SLC9A7: variants seen among roughly 807,000 people sequenced by gnomAD.
SLC9A7 encodes sodium/hydrogen exchanger 7.
A neutral mutation model predicts 52.6 loss-of-function variants in SLC9A7; 19 were observed. The ratio of observed to expected loss-of-function variants is 0.36; its 90% confidence interval spans 0.25 to 0.53. SLC9A7 has a LOEUF of 0.53. SLC9A7 is among the 20% of genes least tolerant of loss of function. SLC9A7 has a pLI of 0.91. For synonymous variants in SLC9A7, 226 were observed against 252.1 expected, an observed-to-expected ratio of 0.90 and a Z score of 0.98; for missense variants, 455 against 597.9, an observed-to-expected ratio of 0.76 and a Z score of 2.49.
chrX:46,725,565 T>G (rs1039612793), intron 1 of SLC9A7: 8 of 975,917 alleles, frequency 8.2e-6, no homozygotes, highest in Non-Finnish European at 8.8e-6. Flanking sequence ...GTTGAATGAC[T>G]ATTGGGCAAG....
intron 12 of SLC9A7, 30 bp from the exon 13 acceptor site, chrX:46,635,678 T>C (rs1419354597): frequency 8.8e-7 from 1 of 1,141,457 alleles, no homozygotes; most frequent in Non-Finnish European, 1.2e-6. Flanking sequence ...AACGTGAGTG[T>C]GACAGGGACA....
At chrX:46,712,788 C>T (rs1944709988) in intron 1 of SLC9A7, among the ~76,000 whole-genome samples, 1 of 111,901 alleles carries the variant, frequency 8.9e-6, no homozygotes, top group African/African-American at 3.3e-5. Flanking sequence ...CTTTTAAATT[C>T]ACTACATTTA....
intron 14 of SLC9A7, 69 bp from the exon 15 acceptor site, chrX:46,621,128 C>A: frequency 1.4e-6 from 1 of 694,734 alleles, no homozygotes; most frequent in East Asian, 3.5e-5. Flanking sequence ...GAAAAAAAAC[C>A]TTTTTTAATA....
intron 3 of SLC9A7, among the ~76,000 whole-genome samples, chrX:46,678,673 T>C (rs941383753): frequency 1.1e-4 from 12 of 110,278 alleles, no homozygotes; most frequent in African/African-American, 3.6e-4. Context: ...TTTAAATAAC[T>C]AGAAGCTCTG....
intron 3 of SLC9A7, among the ~76,000 whole-genome samples, chrX:46,677,484 C>T (rs143515208): frequency 8.9e-6 from 1 of 112,287 alleles, no homozygotes; most frequent in East Asian, 2.8e-4. Flanking sequence ...ATCTGTTTAT[C>T]GATGAGTTGG....
chrX:46,736,988 C>T (rs1945131762), intron 1 of SLC9A7, among the ~76,000 whole-genome samples: 1 of 111,710 alleles, frequency 9.0e-6, no homozygotes, highest in Non-Finnish European at 1.9e-5. Context: ...TCCTGATCCT[C>T]CTCCAAACAC....
intron 5 of SLC9A7, among the ~76,000 whole-genome samples, chrX:46,668,921 A>T (rs1943968481): frequency 8.9e-6 from 1 of 111,743 alleles, no homozygotes; most frequent in South Asian, 3.7e-4. Flanking sequence ...TAATCCCAGC[A>T]CTTTGGGAGG....
intron 3 of SLC9A7, among the ~76,000 whole-genome samples, chrX:46,676,949 T>G (rs1254343561): frequency 9.0e-6 from 1 of 111,725 alleles, no homozygotes; most frequent in Non-Finnish European, 1.9e-5. Context: ...ATATGCATCA[T>G]TAATCATTCT....
chrX:46,754,585 A>G lies in SLC9A7; in HGVS notation c.325+4120T>C, dbSNP rs1457479059. Among the ~76,000 whole-genome samples, 6 of 111,528 alleles carry G rather than the reference A, an allele frequency of 5.4e-5. No homozygotes were observed. In the Admixed American group the frequency reaches 5.7e-4, roughly 11 times the overall value. ...CCCTTCAGACTCTGCCTATGAGCCC[A>G]CTCTCAGGCTGTGCTTAGCAATCCA... is the stretch of plus-strand genomic sequence containing the variant. On this transcript the variant is annotated intron_variant, in intron 1 of 16. Coordinates refer to ENST00000616978, the MANE Select transcript of SLC9A7 (RefSeq NM_001257291.2).
At chrX:46,729,372 C>T (rs182194108) in intron 1 of SLC9A7, among the ~76,000 whole-genome samples, 154 of 112,223 alleles carry the variant, frequency 1.4e-3, no homozygotes, top group Non-Finnish European at 2.4e-3. Context: ...CATAACATTG[C>T]AAAACAAACT....
intron 1 of SLC9A7, among the ~76,000 whole-genome samples, chrX:46,753,858 T>C (rs181009178): frequency 0.041 from 4,504 of 109,343 alleles, 220 homozygotes; most frequent in African/African-American, 0.14. Flanking sequence ...TGGTGGCGGG[T>C]GCCTGTAGTC....
At position 46,606,709 on chromosome X, in the gene SLC9A7, A is replaced by T; in HGVS notation, c.*243T>A. 9.5e-7 allele frequency: 1 copy of T among 1,057,183 alleles called. No individual in the cohort carries two copies. The highest frequency in any genetic ancestry group is 3.5e-5 in the East Asian group (1 of 28,491). 87.1% of individuals were successfully genotyped at this position (1,057,183 alleles called of 1,213,427 possible). ...ATTTTTTTTTGTTTGTTTAACTCTG[A>T]AACAGCGCACTACTATGTGAAAAAA... On this transcript the variant is annotated 3_prime_UTR_variant, in exon 17 of 17. Transcript: ENST00000616978.
chrX:46,655,705 T>C lies in SLC9A7; in HGVS notation c.1042-1991A>G, dbSNP rs184377761. Among the ~76,000 whole-genome samples the C allele has an allele frequency of 5.8e-3, 655 of 112,707 alleles. 7 individuals are homozygous for C. Among genetic ancestry groups the C allele is most frequent in the African/African-American group, 0.02 (617 of 31,103 alleles). On this transcript the variant is annotated intron_variant, in intron 7 of 16. Coordinates refer to ENST00000616978, the MANE Select transcript of SLC9A7 (RefSeq NM_001257291.2). ...GCACCAGGAGATTATATCCCGCACA[T>C]GGCTTGGAGGGACGTACACCCATGG... is the stretch of plus-strand genomic sequence containing the variant.
Position 46,606,653 on chromosome X carries a change from T to C in SLC9A7, c.*299A>G. On this transcript the variant is annotated 3_prime_UTR_variant, in exon 17 of 17. Transcript: ENST00000616978. The stretch of plus-strand genomic sequence containing the variant: ...CCTCGCCTTGTTCAGATACTGCAGG[T>C]GAATGAATTAGGAGACCATTAAAGC... 1.0e-6 allele frequency: 1 copy of C among 973,555 alleles called. No individual in the cohort carries two copies. The highest frequency in any genetic ancestry group is 1.3e-6 in the Non-Finnish European group (1 of 774,378). The allele number at this position is 973,555 out of a possible 1,213,427, so 80.2% of individuals were successfully genotyped here.
intron 7 of SLC9A7, among the ~76,000 whole-genome samples, chrX:46,658,654 T>C (rs1187036431): frequency 9.0e-6 from 1 of 110,498 alleles, no homozygotes; most frequent in Non-Finnish European, 1.9e-5. Flanking sequence ...ACACATACAC[T>C]CTCCCAGGAC....
In SLC9A7 at chrX:46,606,349, G is replaced by C; in HGVS notation, c.*603C>G. The C allele has an allele frequency of 1.3e-6, 1 of 754,992 alleles. No individual in the cohort carries two copies. Among genetic ancestry groups the C allele is most frequent in the African/African-American group, 2.3e-5 (1 of 43,819 alleles). The allele number at this position is 754,992 out of a possible 1,213,427, so 62.2% of individuals were successfully genotyped here. A position where few individuals can be genotyped will look rare whatever the true frequency, so the allele number is the denominator to read the frequency against. On this transcript the variant is annotated 3_prime_UTR_variant, in exon 17 of 17. Transcript: ENST00000616978. ...TTCGTTCCATGTTGAAATGTTCGTGGATGTATTTTCAAATCTTCAGTCTAG... is the reference window on the plus strand; with the variant it reads ...TTCGTTCCATGTTGAAATGTTCGTGCATGTATTTTCAAATCTTCAGTCTAG...
At chrX:46,737,275 G>A (rs1272708911) in intron 1 of SLC9A7, among the ~76,000 whole-genome samples, 1 of 111,958 alleles carries the variant, frequency 8.9e-6, no homozygotes, top group African/African-American at 3.2e-5. Flanking sequence ...CAGGAATCCT[G>A]GAGGAAAAGC....
intron 1 of SLC9A7, among the ~76,000 whole-genome samples, chrX:46,730,710 A>ATATATATATATATATATAT (rs1569524468): frequency 4.3e-4 from 33 of 76,459 alleles, no homozygotes; most frequent in South Asian, 6.7e-4. Context: ...ATATATATAT[A>ATATATATATATATATATAT]AAATGGATGA....
intron 3 of SLC9A7, among the ~76,000 whole-genome samples, chrX:46,678,705 C>T (rs778333181): frequency 4.5e-5 from 5 of 110,551 alleles, no homozygotes; most frequent in East Asian, 5.6e-4. Flanking sequence ...CTGTCTAGCA[C>T]GATGACCCTC....
Sources: allele counts gnomAD v4.1 joint callset (sites outside exome capture counted in the v4.1 genomes callset), GRCh38; gene constraint gnomAD v4.1.1; transcripts MANE v1.5; gene names NCBI Gene and HGNC (gene_info 2026-07-23, HGNC 2026-07-21).